BICD2: variants seen among roughly 807,000 people sequenced by gnomAD.
BICD2 encodes the protein protein bicaudal D homolog 2.
Under a neutral mutation model 72.9 loss-of-function variants are expected in BICD2, and 25 were observed. The observed-to-expected ratio is 0.34, with a 90% CI of 0.25 to 0.48. The LOEUF is 0.48. Ranked by LOEUF, BICD2 falls within the 20% of genes least tolerant of loss-of-function variation. BICD2 has a pLI of 0.99. For missense variants in BICD2, 894 were observed against 1,175.2 expected (o/e 0.76, Z 3.50); for synonymous variants, 501 against 516.1 (o/e 0.97, Z 0.40).
intron 1 of BICD2, among the ~76,000 whole-genome samples, chr9:92,749,873 T>A (rs1276627715): frequency 1.3e-5 from 2 of 152,212 alleles, no homozygotes; most frequent in African/African-American, 4.8e-5. Context: ...AGGGGACAGC[T>A]TGGGGGCCCT....
At chr9:92,724,759 G>C (rs1164901389) in intron 2 of BICD2, among the ~76,000 whole-genome samples, 3 of 152,172 alleles carry the variant, frequency 2.0e-5, no homozygotes, top group Admixed American at 6.5e-5. Flanking sequence ...CACCCCCCAG[G>C]AGTGTGCTTA....
chr9:92,729,358 C>T (rs1057459526), intron 1 of BICD2, 122 bp from the exon 2 acceptor site: 3 of 1,064,802 alleles, frequency 2.8e-6, no homozygotes, highest in African/African-American at 3.1e-5. Flanking sequence ...GACTGTGGGC[C>T]TGAAGGGAGG....
chr9:92,719,976 G>C (rs540226295), intron 4 of BICD2, among the ~76,000 whole-genome samples: 2 of 152,322 alleles, frequency 1.3e-5, no homozygotes, highest in South Asian at 2.1e-4. Flanking sequence ...TGTCCCAGGG[G>C]ATGAGCCCAA....
rs139373827 is a variant in BICD2, at chr9:92,761,442, G to A, written c.240+3063C>T. On this transcript the variant is annotated intron_variant, in intron 1 of 6. Coordinates refer to ENST00000356884, the MANE Select transcript of BICD2 (RefSeq NM_001003800.2). The stretch of plus-strand genomic sequence containing the variant: ...CAAGGACAATGGTGCTCCAGAGCTT[G>A]ACACTATGACACCAAGGTGGCACAC... Among the ~76,000 whole-genome samples the A allele has an allele frequency of 1.5e-4, 23 of 152,342 alleles. No individual in the cohort carries two copies. In the East Asian group the frequency reaches 4.4e-3, roughly 29 times the overall value.
At chr9:92,722,981 G>C (rs2131504490) in intron 2 of BICD2, among the ~76,000 whole-genome samples, 173 bp from the exon 3 acceptor site, 1 of 152,300 alleles carries the variant, frequency 6.6e-6, no homozygotes, top group Middle Eastern at 3.4e-3. Context: ...GTATGCCAGA[G>C]TGCACAGCGG....
Position 92,714,561 on chromosome 9 carries a change from C to G in BICD2, c.*593G>C. The G allele has an allele frequency of 2.0e-6, 2 of 985,580 alleles. No homozygotes were observed. Among genetic ancestry groups the G allele is most frequent in the Non-Finnish European group, 2.4e-6 (2 of 830,044 alleles). The allele number at this position is 985,580 out of a possible 1,614,324, so 61.1% of individuals were successfully genotyped here. On this transcript the variant is annotated 3_prime_UTR_variant, in exon 7 of 7. Transcript: ENST00000356884. The stretch of plus-strand genomic sequence containing the variant: ...GCCAGCAGAATACAGGGGCTCAGGG[C>G]TGCTCTTCTCTGGGCTTGGGGAAGA...
In BICD2 at chr9:92,719,521, T is replaced by TCAC; in HGVS notation, c.1123_1124insGTG (p.His375delinsArgAsp). 6.2e-7 allele frequency: 1 copy of TCAC among 1,613,332 alleles called. No individual in the cohort carries two copies. Among genetic ancestry groups the TCAC allele is most frequent in the Non-Finnish European group, 8.5e-7 (1 of 1,179,968 alleles). On this transcript the variant is annotated protein_altering_variant, in exon 5 of 7. Transcript: ENST00000356884. ...CTGTTCTGACAGGGAGCCCCGCGTG[T>TCAC]GCTCCAGCTGCTTCTGTGTGTCCTG...
intron 1 of BICD2, among the ~76,000 whole-genome samples, chr9:92,759,219 A>T (rs1224908934): frequency 1.3e-5 from 2 of 152,208 alleles, no homozygotes; most frequent in Non-Finnish European, 2.9e-5. Flanking sequence ...CAACTATTAC[A>T]GATGCACAAA....
intron 1 of BICD2, among the ~76,000 whole-genome samples, chr9:92,751,801 A>G (rs1339152268): frequency 6.9e-6 from 1 of 145,798 alleles, no homozygotes; most frequent in Non-Finnish European, 1.5e-5. Context: ...GTATACACTA[A>G]CTGCATTTTT....
At chr9:92,722,022 G>C (rs1853473364) in intron 3 of BICD2, among the ~76,000 whole-genome samples, 2 of 152,234 alleles carry the variant, frequency 1.3e-5, no homozygotes, top group African/African-American at 4.8e-5. Flanking sequence ...TCTGGGGAAA[G>C]TTTTGGGAGA....
In BICD2 at chr9:92,729,134, C is replaced by T. The variant is rs763669071; in HGVS notation, c.343G>A (p.Val115Met). 16 of 1,614,156 alleles carry T rather than the reference C, an allele frequency of 9.9e-6. No individual in the cohort carries two copies. The highest frequency in any genetic ancestry group is 4.5e-5 in the East Asian group (2 of 44,898). The part of the protein sequence containing the change: ...QESASKEQYY[V>M]RKVLELQTEL... The stretch of plus-strand genomic sequence containing the variant: ...GTCTGCAGCTCTAGCACCTTCCGCA[C>T]GTAGTACTGCTCCTTGGAGGCCGAC... The change falls in exon 2 of 7, where the codon GTG (valine) becomes ATG (methionine). Residue 115 changes from valine (V) to methionine (M), a missense_variant. Val to Met is a conservative substitution (Grantham distance 21). Coordinates refer to ENST00000356884, the MANE Select transcript of BICD2 (RefSeq NM_001003800.2).
chr9:92,759,800 G>T (rs562464381), intron 1 of BICD2, among the ~76,000 whole-genome samples: 1 of 152,360 alleles, frequency 6.6e-6, no homozygotes, highest in Non-Finnish European at 1.5e-5. Flanking sequence ...CCCGATGTGT[G>T]TAACAGTTTC....
chr9:92,731,005 C>T (rs1221971876), intron 1 of BICD2, among the ~76,000 whole-genome samples: 1 of 152,246 alleles, frequency 6.6e-6, no homozygotes, highest in Non-Finnish European at 1.5e-5. Flanking sequence ...CTCATCCACC[C>T]TGGCCAGCCA....
At position 92,713,406 on chromosome 9, in the gene BICD2, G is replaced by A; in HGVS notation, c.*1748C>T. On this transcript the variant is annotated 3_prime_UTR_variant, in exon 7 of 7. Coordinates refer to ENST00000356884, the MANE Select transcript of BICD2 (RefSeq NM_001003800.2). ...TGTGGGCCACGAGAGGGAAGGGGAA[G>A]GGGCTGCAGTGTGACAGGGCCGGGT... The A allele has an allele frequency of 6.4e-7, 1 of 1,560,682 alleles. No individual in the cohort carries two copies. Among genetic ancestry groups the A allele is most frequent in the Non-Finnish European group, 8.7e-7 (1 of 1,146,692 alleles).
intron 1 of BICD2, among the ~76,000 whole-genome samples, chr9:92,746,626 G>A (rs1206119140): frequency 6.6e-6 from 1 of 152,058 alleles, no homozygotes; most frequent in Admixed American, 6.5e-5. Flanking sequence ...CCAACAACAG[G>A]TGGACGGCAG....
intron 1 of BICD2, among the ~76,000 whole-genome samples, chr9:92,731,689 G>A (rs1853682709): frequency 6.6e-6 from 1 of 152,148 alleles, no homozygotes; most frequent in South Asian, 2.1e-4. Flanking sequence ...GAAGATGGCG[G>A]AAGATGGCAG....
rs757073981 is a variant in BICD2, at chr9:92,720,763, G to A, written c.607-8C>T. On this transcript the variant is annotated splice_region_variant and splice_polypyrimidine_tract_variant and intron_variant, in intron 3 of 6. Transcript: ENST00000356884. This position sits in a 1 kb window ranked among gnomAD's most constrained non-coding sequence, Gnocchi z 5.4. The stretch of plus-strand genomic sequence containing the variant: ...GAGGCCCTCAAACTCCACCTGGGAA[G>A]AGAAGTCAACGCTCTTGCATCAATG... 17 of 1,612,192 alleles carry A rather than the reference G, an allele frequency of 1.1e-5. No homozygotes were observed. Among genetic ancestry groups the A allele is most frequent in the African/African-American group, 1.3e-5 (1 of 74,812 alleles).
intron 1 of BICD2, among the ~76,000 whole-genome samples, chr9:92,736,278 G>C (rs1853786304): frequency 6.6e-6 from 1 of 152,202 alleles, no homozygotes; most frequent in Admixed American, 6.5e-5. Flanking sequence ...ATCTCCGGTT[G>C]TCCTCACTGC....
At position 92,720,639 on chromosome 9, in the gene BICD2, C is replaced by T. The variant is rs1320353578; in HGVS notation, c.723G>A (p.Glu241=). ...CCGTCTTCAGGGTCTCCAGCGCCTC[C>T]TCCAGCTGCCGCTCTGAGATCTCCT... is the stretch of plus-strand genomic sequence containing the variant. ...RLKEISERQL[E]EALETLKTER... Residue 241 remains glutamate, a synonymous_variant, in exon 4 of 7, where the codon GAG becomes GAA. Coordinates refer to ENST00000356884, the MANE Select transcript of BICD2 (RefSeq NM_001003800.2). The surrounding 1 kb of genome is among the most constrained non-coding windows in gnomAD (Gnocchi z 5.4). The T allele has an allele frequency of 1.2e-6, 2 of 1,614,070 alleles. No individual in the cohort carries two copies. Among genetic ancestry groups the T allele is most frequent in the African/African-American group, 2.7e-5 (2 of 74,918 alleles).
Sources: allele counts gnomAD v4.1 joint callset (sites outside exome capture counted in the v4.1 genomes callset), GRCh38; gene constraint gnomAD v4.1.1; non-coding constraint Gnocchi (gnomAD v3.1); transcripts MANE v1.5; gene names NCBI Gene and HGNC (gene_info 2026-07-23, HGNC 2026-07-21).